MBTPS1: variants seen among roughly 807,000 people sequenced by gnomAD.
The protein encoded by MBTPS1 is membrane-bound transcription factor site-1 protease.
MBTPS1 carries 94 observed loss-of-function variants against 127.8 expected under a neutral mutation model. That is an observed-to-expected ratio of 0.74 (90% CI 0.62 to 0.87). The LOEUF is 0.87. MBTPS1 is among the 40% of genes least tolerant of loss of function. The pLI, the probability that MBTPS1 is intolerant of heterozygous loss-of-function variation, is 0.00. For missense variants in MBTPS1, 1,636 were observed against 1,353.2 expected (o/e 1.21, Z -3.28); for synonymous variants, 632 against 509.4 (o/e 1.24, Z -3.24).
intron 15 of MBTPS1, 77 bp from the exon 16 acceptor site, chr16:84,067,900 C>T: frequency 7.1e-7 from 1 of 1,401,874 alleles, no homozygotes; most frequent in East Asian, 2.4e-5. Context: ...ACAGTGTCAC[C>T]AGGTACATGT....
chr16:84,073,773 G>C (rs1208755824), intron 12 of MBTPS1, among the ~76,000 whole-genome samples: 1 of 152,156 alleles, frequency 6.6e-6, no homozygotes, highest in African/African-American at 2.4e-5. Context: ...GGGAGGCTGA[G>C]GTAGCTGGAT....
chr16:84,090,813 C>A, intron 8 of MBTPS1, 62 bp downstream of exon 8: 1 of 1,198,388 alleles, frequency 8.3e-7, no homozygotes, highest in Non-Finnish European at 1.2e-6. Flanking sequence ...AAACAGATAA[C>A]AATTTTTCAG....
chr16:84,086,971 T>A (rs913948996), intron 9 of MBTPS1, among the ~76,000 whole-genome samples: 8 of 152,030 alleles, frequency 5.3e-5, no homozygotes, highest in African/African-American at 1.9e-4. Flanking sequence ...TTCTTAAGGC[T>A]CCCCTCCCCC....
intron 15 of MBTPS1, among the ~76,000 whole-genome samples, chr16:84,068,115 G>A (rs1224741069): frequency 1.3e-5 from 2 of 152,228 alleles, no homozygotes; most frequent in South Asian, 2.1e-4. Context: ...AGAAAAAAGA[G>A]TACGAATGTC....
intron 14 of MBTPS1, among the ~76,000 whole-genome samples, chr16:84,068,789 A>C: frequency 6.6e-6 from 1 of 152,276 alleles, no homozygotes; most frequent in East Asian, 1.9e-4. Context: ...TGTGTCTGAC[A>C]GAAGAGCTTA....
At chr16:84,083,201 C>G (rs2085967316) in intron 10 of MBTPS1, among the ~76,000 whole-genome samples, 2 of 152,200 alleles carry the variant, frequency 1.3e-5, no homozygotes, top group African/African-American at 4.8e-5. Flanking sequence ...AGCTGCAGCC[C>G]TAACTGAATT....
At chr16:84,104,863 G>A (rs1410881661) in intron 1 of MBTPS1, among the ~76,000 whole-genome samples, 1 of 151,770 alleles carries the variant, frequency 6.6e-6, no homozygotes, top group East Asian at 1.9e-4. Context: ...ATCACTTGAG[G>A]CCAGGAGTTA....
At chr16:84,062,911 G>A (rs1393003632) in intron 19 of MBTPS1, among the ~76,000 whole-genome samples, 1 of 152,184 alleles carries the variant, frequency 6.6e-6, no homozygotes, top group Non-Finnish European at 1.5e-5. Context: ...GAGTGAGTCA[G>A]ACCAGAGAAG....
chr16:84,095,462 G>C (rs755507507), intron 4 of MBTPS1, 140 bp downstream of exon 4: 5 of 802,762 alleles, frequency 6.2e-6, no homozygotes, highest in Non-Finnish European at 9.8e-6. Flanking sequence ...AAGAAGGTTA[G>C]ATGTGGAAGG....
At position 84,069,826 on chromosome 16, in the gene MBTPS1, G is replaced by C; in HGVS notation, c.1955+40C>G. On this transcript the variant is annotated intron_variant, in intron 14 of 22. Transcript: ENST00000343411. ...GAACAGTGGTGCCTCCTCCCACCAC[G>C]GAGGCTGGGGAGGTGAAGTGCATCC... 1.9e-6 allele frequency: 3 copies of C among 1,559,186 alleles called. No individual in the cohort carries two copies. The African/African-American group carries it at 4.1e-5, about 21-fold the overall frequency.
At chr16:84,095,507 G>A in intron 4 of MBTPS1, 95 bp downstream of exon 4, 2 of 1,343,418 alleles carry the variant, frequency 1.5e-6, no homozygotes, top group South Asian at 1.3e-5. Flanking sequence ...TCCCGAACAT[G>A]GAATTCCTGC....
chr16:84,071,180 C>T (rs575572734), intron 12 of MBTPS1, among the ~76,000 whole-genome samples: 83 of 152,308 alleles, frequency 5.4e-4, no homozygotes, highest in African/African-American at 2.0e-3. Context: ...AAAGCAGTAA[C>T]ATGACAGGGA....
At chr16:84,080,942 C>T (rs2085931438) in intron 11 of MBTPS1, among the ~76,000 whole-genome samples, 1 of 152,158 alleles carries the variant, frequency 6.6e-6, no homozygotes, top group African/African-American at 2.4e-5. Flanking sequence ...TGAATACCCC[C>T]AATAACAAGA....
intron 20 of MBTPS1, chr16:84,060,439 T>C: frequency 2.2e-6 from 1 of 445,718 alleles, no homozygotes; most frequent in Non-Finnish European, 4.1e-6. Context: ...GGCGTGAGGG[T>C]CGGGGTGCAC....
intron 21 of MBTPS1, among the ~76,000 whole-genome samples, chr16:84,058,271 G>A (rs1407501663): frequency 6.6e-6 from 1 of 152,240 alleles, no homozygotes; most frequent in African/African-American, 2.4e-5. Flanking sequence ...AGTAAAGGCG[G>A]AAGGCAGCCT....
chr16:84,109,341 G>A (rs989935276), intron 1 of MBTPS1: 1 of 152,148 alleles, frequency 6.6e-6, no homozygotes, highest in South Asian at 2.1e-4. Flanking sequence ...GAATAAAACA[G>A]GAAAACAGGA....
At chr16:84,067,466 A>G (rs2085702499) in intron 16 of MBTPS1, among the ~76,000 whole-genome samples, 1 of 152,070 alleles carries the variant, frequency 6.6e-6, no homozygotes, top group Non-Finnish European at 1.5e-5. Flanking sequence ...GATCTGCCCA[A>G]CTCAGCCTTC....
chr16:84,056,179 ACTAGT>A (rs1185125091), intron 21 of MBTPS1, 44 bp from the exon 22 acceptor site: 1 of 1,562,032 alleles, frequency 6.4e-7, no homozygotes, highest in South Asian at 1.1e-5. Flanking sequence ...AAGCCATTGT[ACTAGT>A]CTAGGTACTA....
intron 11 of MBTPS1, among the ~76,000 whole-genome samples, chr16:84,081,228 A>G (rs2085935516): frequency 6.6e-6 from 1 of 152,248 alleles, no homozygotes; most frequent in Non-Finnish European, 1.5e-5. Context: ...TTTGCTGTAA[A>G]TCTAAAATCA....
Sources: allele counts gnomAD v4.1 joint callset (sites outside exome capture counted in the v4.1 genomes callset), GRCh38; gene constraint gnomAD v4.1.1; transcripts MANE v1.5; gene names NCBI Gene and HGNC (gene_info 2026-07-23, HGNC 2026-07-21).